LDAH: variants seen among roughly 807,000 people sequenced by gnomAD.
LDAH encodes the protein lipid droplet associated hydrolase.
Under a neutral mutation model 29.6 loss-of-function variants are expected in LDAH, and 26 were observed. The observed-to-expected ratio is 0.88, with a 90% CI of 0.64 to 1.22. The LOEUF (loss-of-function observed/expected upper bound fraction) is 1.22. LDAH is among the 50% of genes most tolerant of loss of function. LDAH has a pLI of 0.00. For missense variants in LDAH, 344 were observed against 387.3 expected (o/e 0.89, Z 0.94); for synonymous variants, 117 against 133.0 (o/e 0.88, Z 0.83).
At chr2:20,748,893 T>C (rs1483204561) in intron 4 of LDAH, among the ~76,000 whole-genome samples, 1 of 152,084 alleles carries the variant, frequency 6.6e-6, no homozygotes. Context: ...TATGTATGGG[T>C]CAGGAAGCAC....
At chr2:20,712,770 G>C (rs528172336) in intron 5 of LDAH, among the ~76,000 whole-genome samples, 1 of 152,202 alleles carries the variant, frequency 6.6e-6, no homozygotes, top group Non-Finnish European at 1.5e-5. Context: ...ATTTGGTCAA[G>C]TGGAAGAAAG....
At chr2:20,795,936 C>T (rs1265396022) in intron 2 of LDAH, among the ~76,000 whole-genome samples, 1 of 133,928 alleles carries the variant, frequency 7.5e-6, no homozygotes, top group African/African-American at 2.7e-5. Context: ...TTAGCTCCCC[C>T]GAAACCTGCC....
chr2:20,814,774 T>C (rs1023323759), intron 1 of LDAH, among the ~76,000 whole-genome samples: 1 of 152,332 alleles, frequency 6.6e-6, no homozygotes, highest in African/African-American at 2.4e-5. Context: ...CCTGGTTCCT[T>C]TTCTCTAATT....
chr2:20,748,117 GAAGTA>G (rs1393880769), intron 4 of LDAH, among the ~76,000 whole-genome samples: 2 of 152,092 alleles, frequency 1.3e-5, no homozygotes, highest in African/African-American at 4.8e-5. Context: ...CATATCCTAA[GAAGTA>G]AAGCATGAGA....
intron 3 of LDAH, among the ~76,000 whole-genome samples, chr2:20,786,210 G>T (rs1392012193): frequency 6.6e-6 from 1 of 152,102 alleles, no homozygotes; most frequent in Non-Finnish European, 1.5e-5. Context: ...TGTATTTTAA[G>T]ATAGGGTCTC....
chr2:20,690,481 T>C (rs950240619), intron 6 of LDAH, among the ~76,000 whole-genome samples: 2 of 152,250 alleles, frequency 1.3e-5, no homozygotes, highest in African/African-American at 2.4e-5. Flanking sequence ...CAAGTTCTTT[T>C]TCAGGCTATA....
Position 20,685,366 on chromosome 2 carries a change from T to G in LDAH, c.*1537A>C, listed in dbSNP as rs1367626861. On this transcript the variant is annotated 3_prime_UTR_variant, in exon 7 of 7. Transcript: ENST00000237822. ...GCTTCTAACATCCGATTTCTAGGCCTCTCATGCAGATGCCAATAAAGGATC... is the reference window on the plus strand; with the variant it reads ...GCTTCTAACATCCGATTTCTAGGCCGCTCATGCAGATGCCAATAAAGGATC... 1 of 722,624 alleles carries G rather than the reference T, an allele frequency of 1.4e-6. No homozygotes were observed. The highest frequency in any genetic ancestry group is 2.1e-6 in the Non-Finnish European group (1 of 469,528). 44.8% of individuals were successfully genotyped at this position (722,624 alleles called of 1,614,324 possible). A position where few individuals can be genotyped will look rare whatever the true frequency, so the allele number is the denominator to read the frequency against.
chr2:20,735,969 T>G (rs1368334731), intron 5 of LDAH, among the ~76,000 whole-genome samples: 1 of 152,160 alleles, frequency 6.6e-6, no homozygotes, highest in African/African-American at 2.4e-5. Flanking sequence ...AGGGCAGTGA[T>G]GAAAGTCTTC....
At chr2:20,706,824 G>T (rs1664339621) in intron 5 of LDAH, among the ~76,000 whole-genome samples, 1 of 152,172 alleles carries the variant, frequency 6.6e-6, no homozygotes, top group Non-Finnish European at 1.5e-5. Flanking sequence ...TCTTATGATT[G>T]TCTCAGCTTA....
intron 1 of LDAH, among the ~76,000 whole-genome samples, chr2:20,810,164 G>A (rs1195755917): frequency 6.6e-6 from 1 of 152,200 alleles, no homozygotes; most frequent in Admixed American, 6.5e-5. Flanking sequence ...AGAACTGGGT[G>A]TGATCTGATC....
At chr2:20,693,495 G>T (rs1001467521) in intron 6 of LDAH, among the ~76,000 whole-genome samples, 1 of 152,122 alleles carries the variant, frequency 6.6e-6, no homozygotes, top group Non-Finnish European at 1.5e-5. Flanking sequence ...TGACTGTAGA[G>T]AAAGACAGGT....
chr2:20,784,372 A>G (rs1039180423), intron 3 of LDAH, among the ~76,000 whole-genome samples: 1 of 152,100 alleles, frequency 6.6e-6, no homozygotes, highest in Non-Finnish European at 1.5e-5. Flanking sequence ...GCACCACTGC[A>G]CTCCAGCCTG....
intron 5 of LDAH, among the ~76,000 whole-genome samples, chr2:20,711,056 T>C (rs1280743379): frequency 3.3e-5 from 5 of 151,940 alleles, no homozygotes; most frequent in African/African-American, 9.7e-5. Context: ...AAATGCACCA[T>C]AGTAGGTATG....
intron 6 of LDAH, among the ~76,000 whole-genome samples, chr2:20,692,837 G>A (rs1034139312): frequency 2.0e-5 from 3 of 152,110 alleles, no homozygotes; most frequent in African/African-American, 7.2e-5. Flanking sequence ...GGTGGTAAAC[G>A]GCATTTCTGG....
chr2:20,728,999 G>A (rs940862139), intron 5 of LDAH, among the ~76,000 whole-genome samples: 2 of 152,226 alleles, frequency 1.3e-5, no homozygotes, highest in African/African-American at 4.8e-5. Flanking sequence ...TGAATGTTCA[G>A]TCTGATTTAC....
intron 4 of LDAH, among the ~76,000 whole-genome samples, chr2:20,749,709 A>G (rs1016514230): frequency 6.6e-6 from 1 of 152,240 alleles, no homozygotes; most frequent in African/African-American, 2.4e-5. Flanking sequence ...CCCATGAGAT[A>G]GAGACTAAAC....
intron 4 of LDAH, among the ~76,000 whole-genome samples, chr2:20,742,840 C>T (rs1358251151): frequency 6.8e-6 from 1 of 147,732 alleles, no homozygotes; most frequent in African/African-American, 2.5e-5. Flanking sequence ...GTCACAGCAG[C>T]CTTGACCTCC....
chr2:20,685,818 G>A lies in LDAH; in HGVS notation c.*1085C>T. On this transcript the variant is annotated 3_prime_UTR_variant, in exon 7 of 7. Coordinates refer to ENST00000237822, the MANE Select transcript of LDAH (RefSeq NM_021925.4). Reference sequence around the variant, plus strand: ...ATACCTCAATGTGTCTAGAGAAGGTGAATTCACATAACTTAATGGCTGGGT... The same window carrying A: ...ATACCTCAATGTGTCTAGAGAAGGTAAATTCACATAACTTAATGGCTGGGT... 1 of 768,900 alleles carries A rather than the reference G, an allele frequency of 1.3e-6. No individual in the cohort carries two copies. The highest frequency in any genetic ancestry group is 1.9e-6 in the Non-Finnish European group (1 of 532,282). 47.6% of individuals were successfully genotyped at this position (768,900 alleles called of 1,614,324 possible). A position where few individuals can be genotyped will look rare whatever the true frequency, so the allele number is the denominator to read the frequency against.
chr2:20,773,738 A>C (rs941951939), intron 4 of LDAH, among the ~76,000 whole-genome samples: 1 of 152,194 alleles, frequency 6.6e-6, no homozygotes, highest in Non-Finnish European at 1.5e-5. Flanking sequence ...TACGAATAAG[A>C]AGCAAGCAGG....
Sources: gnomAD v4.1 joint callset for allele counts (sites outside exome capture counted in the v4.1 genomes callset) on GRCh38, gnomAD v4.1.1 for gene constraint, MANE v1.5 for transcripts, NCBI Gene and HGNC (gene_info 2026-07-23, HGNC 2026-07-21) for gene names.